The following MINAR2 variants were observed in gnomAD, a reference collection of about 807,000 sequenced individuals.
The protein encoded by MINAR2 is membrane integral NOTCH2 associated receptor 2, also known as major intrinsically disordered NOTCH2-binding receptor 1-like.
A neutral mutation model predicts 16.1 loss-of-function variants in MINAR2; 21 were observed. That is an observed-to-expected ratio of 1.31 (90% CI 0.93 to 1.88). MINAR2 has a LOEUF of 1.88. Among genes scored for constraint, MINAR2 ranks in the 40% most tolerant of loss-of-function variants. MINAR2 has a pLI of 0.00. For synonymous variants in MINAR2, 86 were observed against 83.0 expected (o/e 1.04, Z -0.20); for missense variants, 259 against 229.8 (o/e 1.13, Z -0.82).
At chr5:129,758,817 A>G (rs1014501146) in intron 1 of MINAR2, among the ~76,000 whole-genome samples, 3 of 152,048 alleles carry the variant, frequency 2.0e-5, no homozygotes, top group Non-Finnish European at 4.4e-5. Flanking sequence ...CTTTTTTCTC[A>G]ATTCAGAAAC....
rs141789552 is a variant in MINAR2, at chr5:129,760,504, A to G, written c.292A>G (p.Ser98Gly). The G allele has an allele frequency of 3.8e-5, 58 of 1,535,774 alleles. No homozygotes were observed. The African/African-American group carries it at 7.9e-4, about 21-fold the overall frequency. Residue 98 changes from serine (S) to glycine (G), a missense_variant, in exon 2 of 3, where the codon AGT (serine) becomes GGT (glycine). Transcript: ENST00000564719. ...GAATAACCCACTCTATGGTGACCTA[A>G]GTTTGGAGGAAGCTATGGAAGAAAG... ...MKNNPLYGDL[S>G]LEEAMEERKK... is the part of the protein sequence containing the mutation.
At position 129,764,395 on chromosome 5, in the gene MINAR2, C is replaced by G. The variant is rs533487458; in HGVS notation, c.394-489C>G. On this transcript the variant is annotated intron_variant, in intron 2 of 2. Transcript: ENST00000564719. The stretch of plus-strand genomic sequence containing the variant: ...TACTACTTCCATGAAAGTCAGCTTC[C>G]GGGTTTACTGAAAACCCCACCAAGC... 1.3e-3 allele frequency among the ~76,000 whole-genome samples: 197 copies of G among 152,212 alleles called. 1 individual carries two copies. Among genetic ancestry groups the G allele is most frequent in the Admixed American group, 3.3e-3 (51 of 15,298 alleles).
intron 1 of MINAR2, among the ~76,000 whole-genome samples, chr5:129,756,492 A>G (rs550459985): frequency 6.6e-6 from 1 of 152,210 alleles, no homozygotes; most frequent in Non-Finnish European, 1.5e-5. Flanking sequence ...TCTTCCCTCC[A>G]AGTCCTGAAA....
rs1191147178 is a variant in MINAR2, at chr5:129,766,645, A to ACC, written c.*1582_*1583insCC. ...GAGTGAGACTTCCATAAAAAAAAAA[A>ACC]AAAAAAAAAAACAAACAAACAAACA... is the stretch of plus-strand genomic sequence containing the variant. On this transcript the variant is annotated 3_prime_UTR_variant, in exon 3 of 3. Coordinates refer to ENST00000564719, the MANE Select transcript of MINAR2 (RefSeq NM_001257308.2). The ACC allele has an allele frequency of 7.1e-6, 1 of 140,302 alleles. No individual in the cohort carries two copies. Among genetic ancestry groups the ACC allele is most frequent in the East Asian group, 2.1e-4 (1 of 4,734 alleles). 8.7% of individuals were successfully genotyped at this position (140,302 alleles called of 1,614,324 possible).
chr5:129,766,585 C>T lies in MINAR2; in HGVS notation c.*1522C>T, dbSNP rs10463859. 0.55 allele frequency: 78,800 copies of T among 142,674 alleles called. 22,610 individuals carry two copies. The highest frequency in any genetic ancestry group is 0.65 in the Non-Finnish European group (43,405 of 67,136). The allele number at this position is 142,674 out of a possible 1,614,324, so 8.8% of individuals were successfully genotyped here. On this transcript the variant is annotated 3_prime_UTR_variant, in exon 3 of 3. Transcript: ENST00000564719. ...CCTGGAGGCAGAGGTTGCAGTGAGC[C>T]GAGATTGTGCCACTGCACTCTAGCC...
chr5:129,756,411 T>C (rs1248177292), intron 1 of MINAR2, among the ~76,000 whole-genome samples: 1 of 152,038 alleles, frequency 6.6e-6, no homozygotes, highest in East Asian at 1.9e-4. Context: ...TATGAGATTT[T>C]GGTGCACCCA....
chr5:129,763,626 G>A (rs1194521367), intron 2 of MINAR2, among the ~76,000 whole-genome samples: 1 of 152,146 alleles, frequency 6.6e-6, no homozygotes, highest in East Asian at 1.9e-4. Context: ...TAGGCATGAG[G>A]TAGATGAGGA....
Position 129,760,552 on chromosome 5 carries a change from A to C in MINAR2, c.340A>C (p.Ile114Leu), listed in dbSNP as rs1240790341. 2.6e-6 allele frequency: 4 copies of C among 1,535,492 alleles called. No homozygotes were observed. In the African/African-American group the frequency reaches 5.5e-5, roughly 21 times the overall value. Residue 114 changes from isoleucine (I) to leucine (L), a missense_variant, in exon 2 of 3, where the codon ATT becomes CTT. Transcript: ENST00000564719. ...EERKKNPSWTIEEYDKHSLHT... is the reference protein window; with the variant it reads ...EERKKNPSWTLEEYDKHSLHT... The stretch of plus-strand genomic sequence containing the variant: ...AAGAAAAAAGAACCCCTCATGGACC[A>C]TTGAGGAATATGACAAACATTCCCT...
intron 1 of MINAR2, among the ~76,000 whole-genome samples, chr5:129,758,474 A>C (rs1464249203): frequency 1.3e-5 from 2 of 152,074 alleles, no homozygotes; most frequent in African/African-American, 4.8e-5. Context: ...ACTTTCAAAA[A>C]TATCATCTAG....
chr5:129,749,795 T>C (rs1338985013), intron 1 of MINAR2, among the ~76,000 whole-genome samples: 1 of 152,198 alleles, frequency 6.6e-6, no homozygotes, highest in Non-Finnish European at 1.5e-5. Context: ...TTCCTTCATG[T>C]GGAACTTCAC....
Position 129,748,296 on chromosome 5 carries a change from A to T in MINAR2, c.106A>T (p.Arg36Trp), listed in dbSNP as rs1380881567. ...SSALLQASLV[R>W]FPGGNYPAAQ... ...AGCCCTCCTTCAGGCCAGCCTGGTG[A>T]GGTTTCCGGGTGGAAATTATCCTGC... The change falls in exon 1 of 3, where the codon AGG (arginine) becomes TGG (tryptophan). Residue 36 changes from arginine (R) to tryptophan (W), a missense_variant. Transcript: ENST00000564719. 2 of 1,535,106 alleles carry T rather than the reference A, an allele frequency of 1.3e-6. No homozygotes were observed. The highest frequency in any genetic ancestry group is 1.7e-6 in the Non-Finnish European group (2 of 1,146,564).
At chr5:129,761,195 T>C (rs1230534558) in intron 2 of MINAR2, among the ~76,000 whole-genome samples, 1 of 152,216 alleles carries the variant, frequency 6.6e-6, no homozygotes, top group Non-Finnish European at 1.5e-5. Flanking sequence ...CTTAAGTTTT[T>C]CTTTCTTTGT....
At chr5:129,757,784 C>T (rs1192602724) in intron 1 of MINAR2, among the ~76,000 whole-genome samples, 2 of 151,892 alleles carry the variant, frequency 1.3e-5, no homozygotes, top group African/African-American at 4.8e-5. Context: ...CTTTAAAATT[C>T]ACAAATTAGT....
intron 1 of MINAR2, among the ~76,000 whole-genome samples, chr5:129,758,902 T>A (rs771739787): frequency 1.3e-5 from 2 of 152,024 alleles, no homozygotes; most frequent in Non-Finnish European, 2.9e-5. Context: ...CAAACTACAG[T>A]TTTACAGAAT....
At chr5:129,759,541 G>T (rs563937540) in intron 1 of MINAR2, among the ~76,000 whole-genome samples, 1 of 152,014 alleles carries the variant, frequency 6.6e-6, no homozygotes, top group Non-Finnish European at 1.5e-5. Context: ...ACAGAAAAGC[G>T]CACATTATAT....
Position 129,765,119 on chromosome 5 carries a change from A to T in MINAR2, c.*56A>T, listed in dbSNP as rs762044461. On this transcript the variant is annotated 3_prime_UTR_variant, in exon 3 of 3. Transcript: ENST00000564719. ...TTTCCTAAAAATTTTTCTGATAAACATTTGAAACCCCCCCCACCAAAATAA... is the reference window on the plus strand; with the variant it reads ...TTTCCTAAAAATTTTTCTGATAAACTTTTGAAACCCCCCCCACCAAAATAA... 158 of 1,060,926 alleles carry T rather than the reference A, an allele frequency of 1.5e-4. No individual in the cohort carries two copies. Among genetic ancestry groups the T allele is most frequent in the Admixed American group, 8.7e-4 (17 of 19,526 alleles). The allele number at this position is 1,060,926 out of a possible 1,614,324, so 65.7% of individuals were successfully genotyped here. A position where few individuals can be genotyped will look rare whatever the true frequency, so the allele number is the denominator to read the frequency against.
At chr5:129,761,511 G>T (rs185126929) in intron 2 of MINAR2, among the ~76,000 whole-genome samples, 38 of 152,104 alleles carry the variant, frequency 2.5e-4, no homozygotes, top group African/African-American at 8.4e-4. Context: ...CTGCTCAAAA[G>T]ATCCACTGTC....
chr5:129,759,760 T>C (rs1469341830), intron 1 of MINAR2, among the ~76,000 whole-genome samples: 2 of 152,114 alleles, frequency 1.3e-5, no homozygotes, highest in Non-Finnish European at 2.9e-5. Flanking sequence ...TATTTATATA[T>C]ATGAATATTA....
intron 2 of MINAR2, among the ~76,000 whole-genome samples, chr5:129,761,581 G>A (rs1424928497): frequency 6.6e-6 from 1 of 151,982 alleles, no homozygotes; most frequent in Non-Finnish European, 1.5e-5. Flanking sequence ...CCTTTACGTA[G>A]CCCATTTTCC....
Sources: gnomAD v4.1 joint callset for allele counts (sites outside exome capture counted in the v4.1 genomes callset) on GRCh38, gnomAD v4.1.1 for gene constraint, MANE v1.5 for transcripts, NCBI Gene and HGNC (gene_info 2026-07-23, HGNC 2026-07-21) for gene names.